Variants in RAD51B observed in about 807,000 individuals in gnomAD.
RAD51B encodes RAD51 paralog B.
In RAD51B, 38 loss-of-function variants were observed where a neutral mutation model predicts 42.2. The observed-to-expected ratio is 0.90, with a 90% CI of 0.70 to 1.18. RAD51B has a LOEUF of 1.18. RAD51B is among the 50% of genes most tolerant of loss of function. The pLI is 0.00. For missense variants in RAD51B, 373 were observed against 400.7 expected (o/e 0.93, Z 0.59); for synonymous variants, 154 against 145.2 (o/e 1.06, Z -0.43).
At chr14:68,275,794 C>CCACACACACACACACA (rs10641411) in intron 7 of RAD51B, among the ~76,000 whole-genome samples, 83 of 141,370 alleles carry the variant, frequency 5.9e-4, no homozygotes, top group East Asian at 1.5e-3. Context: ...AACTAGCTCT[C>CCACACACACACACACA]CACACACACA....
chr14:67,941,430 T>G (rs558442119), intron 7 of RAD51B, among the ~76,000 whole-genome samples: 1 of 152,280 alleles, frequency 6.6e-6, no homozygotes, highest in Admixed American at 6.5e-5. Context: ...GGGGGAAGAT[T>G]TTGCTTTTTG....
At chr14:68,294,473 A>G (rs2081575676) in intron 8 of RAD51B, among the ~76,000 whole-genome samples, 1 of 152,244 alleles carries the variant, frequency 6.6e-6, no homozygotes, top group East Asian at 1.9e-4. Context: ...ACAGACATGC[A>G]CACGCATGTA....
At chr14:68,485,654 G>C (rs1280889652) in intron 10 of RAD51B, among the ~76,000 whole-genome samples, 1 of 152,078 alleles carries the variant, frequency 6.6e-6, no homozygotes, top group African/African-American at 2.4e-5. Context: ...CCCCTGCAAG[G>C]ATCCCTTGTC....
At chr14:67,842,185 C>T (rs1817602642) in intron 4 of RAD51B, among the ~76,000 whole-genome samples, 1 of 152,072 alleles carries the variant, frequency 6.6e-6, no homozygotes, top group African/African-American at 2.4e-5. Flanking sequence ...ACTTGGCTCT[C>T]AGCTGGAATG....
intron 10 of RAD51B, among the ~76,000 whole-genome samples, chr14:68,491,514 G>A (rs1047490566): frequency 2.6e-5 from 4 of 152,174 alleles, no homozygotes; most frequent in Admixed American, 2.6e-4. Flanking sequence ...GCCCCAGTTG[G>A]TCTTTTCTCT....
chr14:68,209,582 G>A (rs1536455), intron 7 of RAD51B, among the ~76,000 whole-genome samples: 30,344 of 152,034 alleles, frequency 0.2, 3,504 homozygotes, highest in Middle Eastern at 0.37. Context: ...AAGTGAGGGC[G>A]AAGAGAAAGG....
At chr14:67,892,345 C>G (rs1182009116) in intron 7 of RAD51B, among the ~76,000 whole-genome samples, 1 of 152,224 alleles carries the variant, frequency 6.6e-6, no homozygotes, top group East Asian at 1.9e-4. Context: ...TTTATTGTTT[C>G]TAGCAAAAAC....
chr14:67,998,114 G>A (rs970935237), intron 7 of RAD51B, among the ~76,000 whole-genome samples: 2 of 152,092 alleles, frequency 1.3e-5, no homozygotes, highest in African/African-American at 4.8e-5. Flanking sequence ...TTGGAGTGAT[G>A]CTTAGCAATC....
intron 10 of RAD51B, among the ~76,000 whole-genome samples, chr14:68,580,213 G>A (rs1030950274): frequency 3.3e-5 from 5 of 152,186 alleles, no homozygotes; most frequent in Non-Finnish European, 5.9e-5. Context: ...TCCATGTTCT[G>A]GAAGTTTCTC....
intron 10 of RAD51B, among the ~76,000 whole-genome samples, chr14:68,589,472 G>A (rs898764424): frequency 1.3e-5 from 2 of 152,064 alleles, no homozygotes; most frequent in South Asian, 2.1e-4. Context: ...TCACATCACT[G>A]CCCCCATGAC....
intron 10 of RAD51B, among the ~76,000 whole-genome samples, chr14:68,474,074 C>G (rs1882339551): frequency 6.6e-6 from 1 of 152,204 alleles, no homozygotes; most frequent in Admixed American, 6.5e-5. Flanking sequence ...TATCCACATC[C>G]ATTCAGTGTG....
At chr14:68,158,262 G>A (rs879301246) in intron 7 of RAD51B, among the ~76,000 whole-genome samples, 4 of 152,174 alleles carry the variant, frequency 2.6e-5, no homozygotes, top group Non-Finnish European at 4.4e-5. Context: ...AAAATACTCT[G>A]TAACTTAGTT....
At chr14:68,612,004 T>C (rs1241321072), downstream of RAD51B, among the ~76,000 whole-genome samples, 1 of 152,188 alleles carries the variant, frequency 6.6e-6, no homozygotes, top group Non-Finnish European at 1.5e-5. Context: ...GTAAATAAAA[T>C]TATCATGCCA....
intron 8 of RAD51B, among the ~76,000 whole-genome samples, chr14:68,377,964 T>G (rs1379680033): frequency 6.6e-6 from 1 of 152,210 alleles, no homozygotes; most frequent in African/African-American, 2.4e-5. Flanking sequence ...TAAAAGTCAT[T>G]TAAAAAAATA....
chr14:68,492,747 A>C (rs1388988311), intron 10 of RAD51B, among the ~76,000 whole-genome samples: 1 of 152,184 alleles, frequency 6.6e-6, no homozygotes, highest in African/African-American at 2.4e-5. Context: ...AGTGAACTAT[A>C]GAAGTGATTT....
downstream of RAD51B, among the ~76,000 whole-genome samples, chr14:68,482,421 T>G (rs368881796): frequency 3.5e-4 from 53 of 152,068 alleles, no homozygotes; most frequent in African/African-American, 1.3e-3. Flanking sequence ...AGAGACAGGG[T>G]TGTAAAAGTT....
rs1050642199 is a variant in RAD51B at position 68,122,394 on chromosome 14, C to T, written c.757-169490C>T. ...AAATAAACAAGAAAGCAATGACCAG[C>T]GATGGGTAAAGGATAAGGACAGATC... On this transcript the variant is annotated intron_variant, in intron 7 of 10. Transcript: ENST00000471583. Among the ~76,000 whole-genome samples, 24 of 152,126 alleles carry T rather than the reference C, an allele frequency of 1.6e-4. No individual in the cohort carries two copies. The East Asian group carries it at 2.7e-3, about 17-fold the overall frequency.
At chr14:68,179,094 C>T (rs189895841) in intron 7 of RAD51B, among the ~76,000 whole-genome samples, 1 of 147,760 alleles carries the variant, frequency 6.8e-6, no homozygotes, top group East Asian at 1.9e-4. Flanking sequence ...ACTCTAAAAC[C>T]CTTTCTTCCT....
chr14:68,591,220 C>A (rs1890725434), intron 10 of RAD51B, among the ~76,000 whole-genome samples: 2 of 152,188 alleles, frequency 1.3e-5, no homozygotes, highest in South Asian at 4.1e-4. Context: ...TAGTGACATA[C>A]ACAGGGACAG....
Sources: gnomAD v4.1 joint callset for allele counts (sites outside exome capture counted in the v4.1 genomes callset) on GRCh38, gnomAD v4.1.1 for gene constraint, MANE v1.5 for transcripts, NCBI Gene and HGNC (gene_info 2026-07-23, HGNC 2026-07-21) for gene names.